The following G3BP2 variants were observed in gnomAD, a reference collection of about 807,000 sequenced individuals.
G3BP2 encodes ras GTPase-activating protein-binding protein 2.
G3BP2 carries 11 observed loss-of-function variants against 56.7 expected under a neutral mutation model. The observed-to-expected ratio is 0.19, with a 90% CI of 0.12 to 0.32. The LOEUF is 0.32. Ranked by LOEUF, G3BP2 falls within the 10% of genes least tolerant of loss-of-function variation. G3BP2 has a pLI of 1.00. For synonymous variants in G3BP2, 165 were observed against 191.6 expected (o/e 0.86, Z 1.15); for missense variants, 340 against 610.9 (o/e 0.56, Z 4.67).
intron 3 of G3BP2, among the ~76,000 whole-genome samples, chr4:75,698,507 C>T (rs574734757): frequency 6.6e-6 from 1 of 152,224 alleles, no homozygotes; most frequent in East Asian, 1.9e-4. Flanking sequence ...TTCCAGTGGG[C>T]TGGAAGGGGT....
rs1368152108 is a variant in G3BP2 at position 75,665,231 on chromosome 4, C to CCCTCCT, written c.-24-3188_-24-3183dup. Among the ~76,000 whole-genome samples, 17 of 152,266 alleles carry CCCTCCT rather than the reference C, an allele frequency of 1.1e-4. No homozygotes were observed. The East Asian group carries it at 3.3e-3, about 29-fold the overall frequency. On this transcript the variant is annotated intron_variant, in intron 1 of 11. Coordinates refer to ENST00000359707, the MANE Select transcript of G3BP2 (RefSeq NM_203505.3). ...TGTTTCTTCCTTTCCAACAAACTATCCCTCCTCTAACTGTCCTTCTTAAAC... is the reference window on the plus strand; with the variant it reads ...TGTTTCTTCCTTTCCAACAAACTATCCCTCCTCCTCCTCTAACTGTCCTTCTTAAAC...
At chr4:75,693,846 G>C (rs541197130) in intron 3 of G3BP2, among the ~76,000 whole-genome samples, 8 of 149,060 alleles carry the variant, frequency 5.4e-5, no homozygotes, top group Non-Finnish European at 7.4e-5. Context: ...GCAATCCTCA[G>C]GCCTTAGCCT....
At chr4:75,664,275 T>G (rs1033905327) in intron 1 of G3BP2, among the ~76,000 whole-genome samples, 1 of 151,892 alleles carries the variant, frequency 6.6e-6, no homozygotes, top group African/African-American at 2.4e-5. Context: ...TAAATCAGGA[T>G]GCAGTTGAAA....
intron 3 of G3BP2, among the ~76,000 whole-genome samples, chr4:75,719,081 G>A (rs1273066902): frequency 6.6e-6 from 1 of 152,134 alleles, no homozygotes; most frequent in Non-Finnish European, 1.5e-5. Context: ...TAATACCGTG[G>A]CTCACGCCTG....
At chr4:75,660,895 C>T (rs192135460) in intron 2 of G3BP2, among the ~76,000 whole-genome samples, 46 of 152,272 alleles carry the variant, frequency 3.0e-4, no homozygotes, top group Non-Finnish European at 5.7e-4. Flanking sequence ...ATCAATTTCA[C>T]TTCAATCTCT....
At chr4:75,670,630 C>A (rs1311362345) in intron 1 of G3BP2, among the ~76,000 whole-genome samples, 1 of 152,122 alleles carries the variant, frequency 6.6e-6, no homozygotes, top group South Asian at 2.1e-4. Context: ...TGTATTTATA[C>A]TATGTTTTAA....
At chr4:75,687,776 G>A (rs138842679) in intron 3 of G3BP2, among the ~76,000 whole-genome samples, 2 of 152,256 alleles carry the variant, frequency 1.3e-5, no homozygotes, top group Non-Finnish European at 2.9e-5. Flanking sequence ...TCTGAGCTAG[G>A]GAATCCAGGA....
intron 3 of G3BP2, 67 bp from the exon 4 acceptor site, chr4:75,657,797 C>G: frequency 1.0e-6 from 1 of 963,116 alleles, no homozygotes; most frequent in South Asian, 1.5e-5. Flanking sequence ...ATAATATTAC[C>G]TACCCTCATT....
chr4:75,655,109 G>A lies in G3BP2; in HGVS notation c.683C>T (p.Pro228Leu), dbSNP rs1731989713. 4.3e-6 allele frequency: 7 copies of A among 1,613,314 alleles called. No homozygotes were observed. The South Asian group carries it at 4.4e-5, about 10-fold the overall frequency. Reference protein sequence around the residue: ...LEELEEKSTTPPPAEPVSLPQ... With the variant: ...LEELEEKSTTLPPAEPVSLPQ... ...CAGAGAAACAGGTTCTGCCGGAGGA[G>A]GAGTAGTAGATTTCTCCTCTAGTTC... The change falls in exon 7 of 12, where the codon CCT becomes CTT. Residue 228 changes from proline to leucine, a missense_variant. Physicochemically the swap from Pro to Leu is moderately conservative, Grantham distance 98. Coordinates refer to ENST00000359707, the MANE Select transcript of G3BP2 (RefSeq NM_203505.3).
In G3BP2 at chr4:75,652,052, T is replaced by C. The variant is rs189967797; in HGVS notation, c.825+1931A>G. Reference sequence around the variant, plus strand: ...ATCAAGTAGAAATATCATGAATCCATTTTAAGTATAGCCTAAAGACATTAG... The same window carrying C: ...ATCAAGTAGAAATATCATGAATCCACTTTAAGTATAGCCTAAAGACATTAG... On this transcript the variant is annotated intron_variant, in intron 8 of 11. Transcript: ENST00000359707. Among the ~76,000 whole-genome samples the C allele has an allele frequency of 2.4e-4, 36 of 152,338 alleles. No homozygotes were observed. In the East Asian group the frequency reaches 5.6e-3, roughly 24 times the overall value.
intron 9 of G3BP2, 55 bp downstream of exon 9, chr4:75,648,583 GT>G (rs1338040734): frequency 1.1e-6 from 1 of 905,982 alleles, no homozygotes; most frequent in Non-Finnish European, 1.8e-6. Flanking sequence ...TTTAAGTTCA[GT>G]CTTTTACAGC....
intron 9 of G3BP2, among the ~76,000 whole-genome samples, chr4:75,648,121 G>A (rs189193664): frequency 3.3e-5 from 5 of 152,178 alleles, no homozygotes; most frequent in Non-Finnish European, 1.5e-5. Flanking sequence ...AGGACGAGTA[G>A]GGCAGATCAT....
chr4:75,649,215 A>T (rs1731482658), intron 8 of G3BP2: 1 of 152,676 alleles, frequency 6.5e-6, no homozygotes, highest in Non-Finnish European at 1.5e-5. Context: ...ATCTCTGCCC[A>T]TAACCTTAAA....
At chr4:75,716,864 C>T (rs1385683573) in intron 3 of G3BP2, among the ~76,000 whole-genome samples, 1 of 152,186 alleles carries the variant, frequency 6.6e-6, no homozygotes, top group Non-Finnish European at 1.5e-5. Flanking sequence ...TTGTGCGATC[C>T]TGTAAGGAAG....
chr4:75,708,593 AGGAGAT>A (rs1163017717), intron 3 of G3BP2, among the ~76,000 whole-genome samples: 1 of 152,208 alleles, frequency 6.6e-6, no homozygotes, highest in Non-Finnish European at 1.5e-5. Flanking sequence ...GTGAGACCTG[AGGAGAT>A]GGTCCATACA....
intron 3 of G3BP2, among the ~76,000 whole-genome samples, chr4:75,719,347 CAAAAAAAAA>C (rs55689229): frequency 1.1e-5 from 1 of 86,982 alleles, no homozygotes; most frequent in Non-Finnish European, 2.2e-5. Flanking sequence ...GACTCCGTCT[CAAAAAAAAA>C]AAAAAAAAAA....
chr4:75,652,436 A>G (rs1156654667), intron 8 of G3BP2, among the ~76,000 whole-genome samples: 1 of 152,160 alleles, frequency 6.6e-6, no homozygotes, highest in Admixed American at 6.5e-5. Context: ...AGCCTGGTCT[A>G]CATGGTGAAA....
At position 75,645,653 on chromosome 4, in the gene G3BP2, G is replaced by GTT; in HGVS notation, c.1224_1225dup (p.Thr409LysfsTer38). ...GGTTTCTCGCTCTCTTGCAGCTCTT[G>GTT]TTTTTTTCTCTTCCACATTTAAACG... is the stretch of plus-strand genomic sequence containing the variant. On this transcript the variant is annotated frameshift_variant, in exon 12 of 12. Coordinates refer to ENST00000359707, the MANE Select transcript of G3BP2 (RefSeq NM_203505.3). LOFTEE classifies it high-confidence loss of function. 3 of 1,613,774 alleles carry GTT rather than the reference G, an allele frequency of 1.9e-6. No homozygotes were observed. The highest frequency in any genetic ancestry group is 2.5e-6 in the Non-Finnish European group (3 of 1,179,866).
chr4:75,649,247 A>T (rs1194105894), intron 8 of G3BP2: 1 of 152,466 alleles, frequency 6.6e-6, no homozygotes, highest in Non-Finnish European at 1.5e-5. Context: ...TATAGTTCAA[A>T]GTATAAAAAT....
Sources: gnomAD v4.1 joint callset for allele counts (sites outside exome capture counted in the v4.1 genomes callset) on GRCh38, gnomAD v4.1.1 for gene constraint, MANE v1.5 for transcripts, NCBI Gene and HGNC (gene_info 2026-07-23, HGNC 2026-07-21) for gene names.